The following OSBPL8 variants were observed in gnomAD, a reference collection of about 807,000 sequenced individuals.
The protein encoded by OSBPL8 is oxysterol-binding protein-related protein 8.
Under a neutral mutation model 125.5 loss-of-function variants are expected in OSBPL8, and 59 were observed. The observed-to-expected ratio is 0.47, with a 90% CI of 0.38 to 0.58. OSBPL8 has a LOEUF of 0.58. Ranked by LOEUF, OSBPL8 falls within the 20% of genes least tolerant of loss-of-function variation. OSBPL8 has a pLI of 0.00. For missense variants in OSBPL8, 758 were observed against 1,047.8 expected, an observed-to-expected ratio of 0.72 and a Z score of 3.82; for synonymous variants, 330 against 338.9, an observed-to-expected ratio of 0.97 and a Z score of 0.29.
chr12:76,382,823 C>G (rs5019823), intron 15 of OSBPL8, among the ~76,000 whole-genome samples: 119,859 of 151,464 alleles, frequency 0.79, 47,649 homozygotes, highest in East Asian at 0.92. Flanking sequence ...GCAGAGGTTG[C>G]AGTGAGCCGA....
intron 1 of OSBPL8, among the ~76,000 whole-genome samples, chr12:76,543,380 C>A (rs1472209261): frequency 3.3e-5 from 5 of 152,000 alleles, no homozygotes; most frequent in Non-Finnish European, 7.4e-5. Context: ...AAAAATAATA[C>A]CTTCAAAATA....
rs1337249914 is a variant in OSBPL8 at position 76,394,702 on chromosome 12, T to C, written c.700A>G (p.Ile234Val). ...TAACTGCTAGGTAAGGGTTGAGTAATGGATCCAACCGCTTCACCTTTTGGA... is the reference window on the plus strand; with the variant it reads ...TAACTGCTAGGTAAGGGTTGAGTAACGGATCCAACCGCTTCACCTTTTGGA... ...KGPKGEAVGS[I>V]TQPLPSSYLI... Residue 234 changes from isoleucine (I) to valine (V), a missense_variant, in exon 9 of 24, where the codon ATT becomes GTT. Physicochemically the swap from Ile to Val is conservative, Grantham distance 29. Coordinates refer to ENST00000261183, the MANE Select transcript of OSBPL8 (RefSeq NM_020841.5). The C allele has an allele frequency of 1.2e-6, 2 of 1,612,610 alleles. No homozygotes were observed. Among genetic ancestry groups the C allele is most frequent in the Non-Finnish European group, 8.5e-7 (1 of 1,179,398 alleles).
intron 1 of OSBPL8, among the ~76,000 whole-genome samples, chr12:76,558,895 G>A (rs1951188375): frequency 6.6e-6 from 1 of 152,162 alleles, no homozygotes; most frequent in Admixed American, 6.5e-5. Context: ...GTTACAAGAA[G>A]GCCGGGAGAA....
chr12:76,400,694 T>A (rs555088259), intron 6 of OSBPL8, among the ~76,000 whole-genome samples: 1 of 152,032 alleles, frequency 6.6e-6, no homozygotes, highest in Non-Finnish European at 1.5e-5. Context: ...ATACTGTATT[T>A]TTTTTTTTTG....
At chr12:76,485,219 G>A (rs541851075) in intron 2 of OSBPL8, among the ~76,000 whole-genome samples, 6 of 151,858 alleles carry the variant, frequency 4.0e-5, no homozygotes, top group East Asian at 2.0e-4. Flanking sequence ...CACCGTGCCC[G>A]GCCTCTCACT....
intron 1 of OSBPL8, among the ~76,000 whole-genome samples, chr12:76,514,962 T>C (rs1021547808): frequency 1.3e-5 from 2 of 152,266 alleles, no homozygotes; most frequent in African/African-American, 4.8e-5. Flanking sequence ...GATTGCACTG[T>C]GAAATTCTTA....
intron 4 of OSBPL8, among the ~76,000 whole-genome samples, chr12:76,440,695 T>C (rs1465553583): frequency 6.6e-6 from 1 of 152,184 alleles, no homozygotes. Context: ...CCTCTGTGGG[T>C]ATGTTATCCA....
At chr12:76,557,858 G>A (rs1951155877) in intron 1 of OSBPL8, among the ~76,000 whole-genome samples, 2 of 152,030 alleles carry the variant, frequency 1.3e-5, no homozygotes. Flanking sequence ...ACATTCTAAG[G>A]AAAATACAGT....
At chr12:76,480,871 T>G (rs908280895) in intron 2 of OSBPL8, among the ~76,000 whole-genome samples, 1 of 152,130 alleles carries the variant, frequency 6.6e-6, no homozygotes, top group African/African-American at 2.4e-5. Flanking sequence ...CCTTCTGTAG[T>G]GAAAGGGGCT....
At chr12:76,530,052 T>C (rs1351867148) in intron 1 of OSBPL8, among the ~76,000 whole-genome samples, 1 of 151,746 alleles carries the variant, frequency 6.6e-6, no homozygotes, top group African/African-American at 2.4e-5. Context: ...GATTTCCACA[T>C]TTTTTTTCTT....
At chr12:76,466,477 A>AT (rs1875453102) in intron 2 of OSBPL8, among the ~76,000 whole-genome samples, 1 of 152,194 alleles carries the variant, frequency 6.6e-6, no homozygotes, top group African/African-American at 2.4e-5. Flanking sequence ...CAACTTCTGA[A>AT]TATGGCAATA....
intron 17 of OSBPL8, among the ~76,000 whole-genome samples, chr12:76,373,798 A>C (rs911817487): frequency 9.2e-5 from 14 of 152,138 alleles, no homozygotes; most frequent in African/African-American, 3.4e-4. Context: ...AATAAACCTA[A>C]TGGAATTAAC....
intron 7 of OSBPL8, among the ~76,000 whole-genome samples, chr12:76,399,125 A>G (rs1171728700): frequency 1.3e-5 from 2 of 152,152 alleles, no homozygotes; most frequent in African/African-American, 4.8e-5. Context: ...CTGAATTGTC[A>G]GGGAAACTAT....
chr12:76,476,108 G>T (rs1876775350), intron 2 of OSBPL8, among the ~76,000 whole-genome samples: 1 of 152,072 alleles, frequency 6.6e-6, no homozygotes, highest in South Asian at 2.1e-4. Context: ...ATAAGCAACT[G>T]GGGAAATGAG....
chr12:76,452,025 GAGAATCGCTTGAA>G (rs1415379805), intron 3 of OSBPL8, among the ~76,000 whole-genome samples: 2 of 151,952 alleles, frequency 1.3e-5, no homozygotes, highest in Non-Finnish European at 2.9e-5. Context: ...GCTGAGGCAG[GAGAATCGCTTGAA>G]CCTGGGGGGC....
rs1316250752 is a variant in OSBPL8 at position 76,353,856 on chromosome 12, T to C, written c.*2033A>G. 1.3e-5 allele frequency: 2 copies of C among 152,348 alleles called. No individual in the cohort carries two copies. The highest frequency in any genetic ancestry group is 2.9e-5 in the Non-Finnish European group (2 of 67,830). The allele number at this position is 152,348 out of a possible 1,614,324, so 9.4% of individuals were successfully genotyped here. On this transcript the variant is annotated 3_prime_UTR_variant, in exon 24 of 24. Coordinates refer to ENST00000261183, the MANE Select transcript of OSBPL8 (RefSeq NM_020841.5). ...CATAACATTTGCTCTAAAAAGAAAT[T>C]TTAAAAATAAAGAACACAACTACCT...
intron 3 of OSBPL8, among the ~76,000 whole-genome samples, chr12:76,455,079 C>CAA (rs558685645): frequency 0.076 from 10,326 of 135,546 alleles, 477 homozygotes; most frequent in Middle Eastern, 0.17. Flanking sequence ...CTAAAAAATA[C>CAA]AAAAAAAAAA....
intron 1 of OSBPL8, among the ~76,000 whole-genome samples, chr12:76,499,518 G>A (rs1269635540): frequency 3.3e-5 from 5 of 152,018 alleles, no homozygotes; most frequent in African/African-American, 1.2e-4. Flanking sequence ...TTACAGGCAT[G>A]AACCAAAGTG....
At chr12:76,489,730 T>C (rs77711988) in intron 1 of OSBPL8, among the ~76,000 whole-genome samples, 1,968 of 152,354 alleles carry the variant, frequency 0.013, 22 homozygotes, top group Middle Eastern at 0.038. Context: ...TAACGCAACA[T>C]CTATTCTGCA....
Sources: gnomAD v4.1 joint callset for allele counts (sites outside exome capture counted in the v4.1 genomes callset) on GRCh38, gnomAD v4.1.1 for gene constraint, MANE v1.5 for transcripts, NCBI Gene and HGNC (gene_info 2026-07-23, HGNC 2026-07-21) for gene names.